Variants in EAF1 observed in about 807,000 individuals in gnomAD.
The protein encoded by EAF1 is ELL associated factor 1.
A neutral mutation model predicts 26.6 loss-of-function variants in EAF1; 19 were observed. That is an observed-to-expected ratio of 0.71 (90% CI 0.50 to 1.05). The LOEUF (loss-of-function observed/expected upper bound fraction) is 1.05, where lower values mean the gene tolerates loss of function less well. Among genes scored for constraint, EAF1 ranks in the 50% least tolerant of loss-of-function variants. The pLI, the probability that EAF1 is intolerant of heterozygous loss-of-function variation, is 0.00. For missense variants in EAF1, 260 were observed against 335.5 expected (o/e 0.78, Z 1.76); for synonymous variants, 102 against 120.6 (o/e 0.85, Z 1.01).
intron 5 of EAF1, chr3:15,438,727 G>A (rs1380370135): frequency 5.6e-5 from 9 of 160,022 alleles, no homozygotes; most frequent in Non-Finnish European, 9.6e-5. Flanking sequence ...GTTTCGCCAC[G>A]TTGGCCAGGC....
intron 5 of EAF1, 129 bp downstream of exon 5, chr3:15,436,704 G>A: frequency 1.3e-6 from 1 of 743,124 alleles, no homozygotes; most frequent in East Asian, 2.7e-5. Flanking sequence ...ATAGTTTGGA[G>A]CAGAAAGGTG....
intron 1 of EAF1, 37 bp downstream of exon 1, chr3:15,427,919 C>G (rs1163282373): frequency 6.8e-7 from 1 of 1,472,178 alleles, no homozygotes; most frequent in South Asian, 1.3e-5. Context: ...TTCGGCCGCT[C>G]CAGCCGCCAC....
chr3:15,430,279 T>A (rs1026456656), intron 2 of EAF1, among the ~76,000 whole-genome samples: 1 of 151,782 alleles, frequency 6.6e-6, no homozygotes, highest in Non-Finnish European at 1.5e-5. Flanking sequence ...GGCAACATGG[T>A]GAAACCCCGT....
At chr3:15,434,676 G>A in intron 4 of EAF1, 138 bp downstream of exon 4, 1 of 1,042,940 alleles carries the variant, frequency 9.6e-7, no homozygotes, top group South Asian at 1.6e-5. Flanking sequence ...AGAGCTCACT[G>A]TTCAGAGATG....
Position 15,434,447 on chromosome 3 carries a change from C to T in EAF1, c.435C>T (p.Phe145=), listed in dbSNP as rs372337531. The change falls in exon 4 of 6, where the codon TTC becomes TTT. Residue 145 remains phenylalanine, a synonymous_variant. Transcript: ENST00000396842. ...CACCACCTCCACCACCTATGCCATT[C>T]AGAGCTCCAACGAAGCCTCCAGTTG... ...QPPPPPPPMP[F]RAPTKPPVGP... 2.9e-5 allele frequency: 47 copies of T among 1,614,232 alleles called. No homozygotes were observed. The African/African-American group carries it at 5.7e-4, about 20-fold the overall frequency.
intron 2 of EAF1, among the ~76,000 whole-genome samples, chr3:15,431,356 TG>T (rs1259238178): frequency 6.6e-6 from 1 of 152,176 alleles, no homozygotes; most frequent in Non-Finnish European, 1.5e-5. Flanking sequence ...ATCTGGAGGT[TG>T]GGTCATTTAA....
At chr3:15,428,325 C>T (rs1028959966) in intron 1 of EAF1, among the ~76,000 whole-genome samples, 1 of 152,062 alleles carries the variant, frequency 6.6e-6, no homozygotes, top group African/African-American at 2.4e-5. Flanking sequence ...GAGCCTCATC[C>T]ACTGCCTTAG....
At chr3:15,432,542 CTTATAA>C (rs1421593496) in intron 3 of EAF1, among the ~76,000 whole-genome samples, 2 of 152,062 alleles carry the variant, frequency 1.3e-5, no homozygotes, top group African/African-American at 4.8e-5. Flanking sequence ...AACTTATAGA[CTTATAA>C]TTATGAAGGA....
Position 15,442,238 on chromosome 3 carries a change from T to C in EAF1, c.*3083T>C, listed in dbSNP as rs1427076163. ...GTGTGTGTGTGTGTGTGTGTGTGTA[T>C]GAATGGTATATTTATTACATTATTT... is the stretch of plus-strand genomic sequence containing the variant. On this transcript the variant is annotated 3_prime_UTR_variant, in exon 6 of 6. Transcript: ENST00000396842. The C allele has an allele frequency of 6.6e-6, 1 of 152,392 alleles. No homozygotes were observed. The highest frequency in any genetic ancestry group is 2.4e-5 in the African/African-American group (1 of 41,372). 9.4% of individuals were successfully genotyped at this position (152,392 alleles called of 1,614,324 possible).
rs1244823397 is a variant in EAF1 at position 15,440,174 on chromosome 3, G to T, written c.*1019G>T. The T allele has an allele frequency of 6.6e-6, 1 of 152,322 alleles. No homozygotes were observed. 9.4% of individuals were successfully genotyped at this position (152,322 alleles called of 1,614,324 possible). Reference sequence around the variant, plus strand: ...ACCAGCAGTAAGTTTCTAAAAATCAGAATCTAGATAGAAGTTCTGCAATAT... The same window carrying T: ...ACCAGCAGTAAGTTTCTAAAAATCATAATCTAGATAGAAGTTCTGCAATAT... On this transcript the variant is annotated 3_prime_UTR_variant, in exon 6 of 6. Coordinates refer to ENST00000396842, the MANE Select transcript of EAF1 (RefSeq NM_033083.7).
At position 15,439,140 on chromosome 3, in the gene EAF1, T is replaced by C. The variant is rs745702033; in HGVS notation, c.792T>C (p.Ser264=). The C allele has an allele frequency of 7.4e-6, 12 of 1,613,582 alleles. No homozygotes were observed. Among genetic ancestry groups the C allele is most frequent in the Non-Finnish European group, 7.6e-6 (9 of 1,179,798 alleles). The change falls in exon 6 of 6, where the codon AGT becomes AGC. Residue 264 remains serine (S), a synonymous_variant. Transcript: ENST00000396842. ...ACTTGCAGTTGAGTGAGTCTGGCAG[T>C]GACAGTGATGACTAGTGCTGGATCT... is the stretch of plus-strand genomic sequence containing the variant. ...RNDLQLSESG[S]DSDD is the part of the protein sequence containing the mutation.
intron 5 of EAF1, among the ~76,000 whole-genome samples, chr3:15,437,957 C>T (rs1457190099): frequency 6.6e-6 from 1 of 152,128 alleles, no homozygotes; most frequent in Non-Finnish European, 1.5e-5. Context: ...TCCCCAGCCC[C>T]ATGACAACCA....
chr3:15,429,830 T>C, intron 1 of EAF1, 83 bp from the exon 2 acceptor site: 1 of 843,668 alleles, frequency 1.2e-6, no homozygotes, highest in South Asian at 1.5e-5. Context: ...TGAGTAATAA[T>C]TTTAATTCTT....
chr3:15,427,962 G>C (rs1431454513), intron 1 of EAF1, 80 bp downstream of exon 1: 5 of 1,191,424 alleles, frequency 4.2e-6, no homozygotes, highest in Non-Finnish European at 4.6e-6. Flanking sequence ...TTCTTCCCTC[G>C]GCCCTTCAGA....
rs11343442 is a variant in EAF1 at position 15,441,489 on chromosome 3, C to CTTTTTTTTTT, written c.*2347_*2356dup. ...GAGTGCCCTGTGTGTACATACTGAC[C>CTTTTTTTTTT]TTTTTTTTTTTTTTTTTTTTTTGCT... On this transcript the variant is annotated 3_prime_UTR_variant, in exon 6 of 6. Transcript: ENST00000396842. 2.8e-5 allele frequency: 2 copies of CTTTTTTTTTT among 71,672 alleles called. No individual in the cohort carries two copies. Among genetic ancestry groups the CTTTTTTTTTT allele is most frequent in the Non-Finnish European group, 5.0e-5 (2 of 39,696 alleles). 4.4% of individuals were successfully genotyped at this position (71,672 alleles called of 1,614,324 possible). A position where few individuals can be genotyped will look rare whatever the true frequency, so the allele number is the denominator to read the frequency against.
Position 15,436,539 on chromosome 3 carries a change from C to T in EAF1, c.724C>T (p.Arg242Trp), listed in dbSNP as rs200760056. ...SRPAVANGTSRPQGSNQLMNT... is the reference protein window; with the variant it reads ...SRPAVANGTSWPQGSNQLMNT... ...GCCTGCCGTTGCCAATGGAACCAGC[C>T]GGCCACAAGGAAGCAACCAGCTCAT... is the stretch of plus-strand genomic sequence containing the variant. Residue 242 changes from arginine to tryptophan, a missense_variant, in exon 5 of 6, where the codon CGG becomes TGG. Arg to Trp is a moderately radical substitution (Grantham distance 101). Coordinates refer to ENST00000396842, the MANE Select transcript of EAF1 (RefSeq NM_033083.7). 3.3e-5 allele frequency: 53 copies of T among 1,591,002 alleles called. No individual in the cohort carries two copies. The Admixed American group carries it at 4.0e-4, about 12-fold the overall frequency.
At chr3:15,431,938 CAGA>C (rs1575450787) in intron 2 of EAF1, 146 bp from the exon 3 acceptor site, 10 of 892,198 alleles carry the variant, frequency 1.1e-5, no homozygotes, top group Middle Eastern at 2.6e-4. Context: ...CCTCGGAAAC[CAGA>C]AGGAGATAAA....
At chr3:15,436,218 T>G in intron 4 of EAF1, 124 bp from the exon 5 acceptor site, 1 of 672,292 alleles carries the variant, frequency 1.5e-6, no homozygotes, top group Non-Finnish European at 2.4e-6. Context: ...TATTGAGAAG[T>G]AGGACTTTGT....
At chr3:15,432,355 A>G in intron 3 of EAF1, 132 bp downstream of exon 3, 1 of 1,101,068 alleles carries the variant, frequency 9.1e-7, no homozygotes, top group Non-Finnish European at 1.3e-6. Flanking sequence ...CTGTGCTCAG[A>G]CAAAATATGT....
Sources: gnomAD v4.1 joint callset for allele counts (sites outside exome capture counted in the v4.1 genomes callset) on GRCh38, gnomAD v4.1.1 for gene constraint, MANE v1.5 for transcripts, NCBI Gene and HGNC (gene_info 2026-07-23, HGNC 2026-07-21) for gene names.